The following SCAP variants were observed in gnomAD, a reference collection of about 807,000 sequenced individuals.
SCAP encodes sterol regulatory element-binding protein cleavage-activating protein.
A neutral mutation model predicts 123.6 loss-of-function variants in SCAP; 65 were observed. The observed-to-expected ratio is 0.53, with a 90% CI of 0.43 to 0.65. SCAP has a LOEUF of 0.65. SCAP is among the 30% of genes least tolerant of loss of function. The pLI is 0.00. For missense variants in SCAP, 1,398 were observed against 1,712.5 expected (o/e 0.82, Z 3.24); for synonymous variants, 740 against 726.3 (o/e 1.02, Z -0.30).
chr3:47,427,396 G>GTGACC, intron 5 of SCAP, 51 bp downstream of exon 5: 1 of 1,589,282 alleles, frequency 6.3e-7, no homozygotes, highest in Non-Finnish European at 8.6e-7. Flanking sequence ...CAAAAAGACG[G>GTGACC]TGACCAATGG....
chr3:47,448,397 C>CGA (rs1707133199), intron 1 of SCAP, among the ~76,000 whole-genome samples: 1 of 152,030 alleles, frequency 6.6e-6, no homozygotes, highest in Non-Finnish European at 1.5e-5. Flanking sequence ...TCTACGTAGA[C>CGA]TTATCATGTT....
chr3:47,414,472 CCT>C lies in SCAP; in HGVS notation c.3388-88_3388-87del, dbSNP rs1433390017. On this transcript the variant is annotated intron_variant, in intron 21 of 22. Transcript: ENST00000265565. The stretch of plus-strand genomic sequence containing the variant: ...GTCCCTGTGCCCCAGTGGGTGGGGC[CCT>C]GACTGCTTCCTGGAAGGCCCCTGGG... 6 of 1,592,246 alleles carry C rather than the reference CCT, an allele frequency of 3.8e-6. No homozygotes were observed. The African/African-American group carries it at 8.1e-5, about 21-fold the overall frequency.
intron 1 of SCAP, among the ~76,000 whole-genome samples, chr3:47,445,798 C>T (rs953884771): frequency 6.7e-6 from 1 of 149,608 alleles, no homozygotes; most frequent in South Asian, 2.1e-4. Context: ...TCTAGAACTC[C>T]TGACCTTAGA....
chr3:47,417,536 C>T lies in SCAP; in HGVS notation c.2738G>A (p.Ser913Asn). ...CTGGTACACCCGCTGCACCAGGCAG[C>T]TGAAGTCATAGCCTGGGGAGTCCCG... ...RSRDSPGYDF[S>N]CLVQRVYQEE... Residue 913 changes from serine to asparagine, a missense_variant, in exon 17 of 23, where the codon AGC (serine) becomes AAC (asparagine). Coordinates refer to ENST00000265565, the MANE Select transcript of SCAP (RefSeq NM_012235.4). The T allele has an allele frequency of 1.3e-6, 2 of 1,568,604 alleles. No homozygotes were observed. Among genetic ancestry groups the T allele is most frequent in the Non-Finnish European group, 8.6e-7 (1 of 1,157,366 alleles).
intron 1 of SCAP, among the ~76,000 whole-genome samples, chr3:47,447,640 G>C (rs1707093631): frequency 6.6e-6 from 1 of 151,190 alleles, no homozygotes; most frequent in Non-Finnish European, 1.5e-5. Context: ...GTGAGCCAAA[G>C]ACTGTGCCAT....
At position 47,420,655 on chromosome 3, in the gene SCAP, T is replaced by C; in HGVS notation, c.1462A>G (p.Ile488Val). 1.2e-6 allele frequency: 2 copies of C among 1,612,026 alleles called. No individual in the cohort carries two copies. Among genetic ancestry groups the C allele is most frequent in the South Asian group, 2.2e-5 (2 of 91,002 alleles). The change falls in exon 12 of 23, where the codon ATC (isoleucine) becomes GTC (valine). Residue 488 changes from isoleucine to valine, a missense_variant. Ile to Val is a conservative substitution (Grantham distance 29, BLOSUM62 3). Transcript: ENST00000265565. The surrounding 1 kb of genome is among the most constrained non-coding windows in gnomAD (Gnocchi z 5.0). ...LAVRPSTPHT[I>V]TLQPSSFRNL... ...CGGAAGGAAGACGGCTGCAACGTGATGGTGTGGGGTGTGGACGGCCTCACA... is the reference window on the plus strand; with the variant it reads ...CGGAAGGAAGACGGCTGCAACGTGACGGTGTGGGGTGTGGACGGCCTCACA...
rs748835570 is a variant in SCAP, at chr3:47,425,604, G to A, written c.918C>T (p.Ile306=). Residue 306 remains isoleucine, a synonymous_variant, in exon 8 of 23, where the codon ATC becomes ATT. Coordinates refer to ENST00000265565, the MANE Select transcript of SCAP (RefSeq NM_012235.4). The part of the protein sequence containing the change: ...FAYIYFSTRK[I]DMVKSKWGLA... The stretch of plus-strand genomic sequence containing the variant: ...GCCCCCACTTGGACTTGACCATGTC[G>A]ATCTTCCCTGGAGGGCAGAGAGGGC... 5.0e-6 allele frequency: 8 copies of A among 1,613,870 alleles called. No homozygotes were observed. Among genetic ancestry groups the A allele is most frequent in the Middle Eastern group, 1.6e-4 (1 of 6,084 alleles).
intron 1 of SCAP, among the ~76,000 whole-genome samples, chr3:47,466,136 C>G (rs78968869): frequency 3.1e-5 from 3 of 96,158 alleles, no homozygotes; most frequent in Non-Finnish European, 6.6e-5. Context: ...TCTTAAAAAC[C>G]AAAAAAAAAA....
chr3:47,444,900 T>C (rs907164688), intron 1 of SCAP, among the ~76,000 whole-genome samples: 5 of 151,910 alleles, frequency 3.3e-5, no homozygotes, highest in South Asian at 2.1e-4. Context: ...GCCTCCCAAG[T>C]AGCTGGGATT....
chr3:47,413,778 T>TC lies in SCAP; in HGVS notation c.*75dup. 1.3e-6 allele frequency: 2 copies of TC among 1,536,098 alleles called. No individual in the cohort carries two copies. Among genetic ancestry groups the TC allele is most frequent in the Non-Finnish European group, 1.8e-6 (2 of 1,139,098 alleles). On this transcript the variant is annotated 3_prime_UTR_variant, in exon 23 of 23. Coordinates refer to ENST00000265565, the MANE Select transcript of SCAP (RefSeq NM_012235.4). The stretch of plus-strand genomic sequence containing the variant: ...AGCGGCTGGAAGATACTCGGCTCTT[T>TC]CCCCCAAGTCCAGGTTCAGTGCATT...
At chr3:47,426,414 ACT>A (rs1365362591) in intron 6 of SCAP, among the ~76,000 whole-genome samples, 1 of 150,238 alleles carries the variant, frequency 6.7e-6, no homozygotes, top group African/African-American at 2.5e-5. Flanking sequence ...CTACTCCAAC[ACT>A]CTCTTTTTTA....
chr3:47,429,747 T>C (rs1192530533), intron 3 of SCAP, among the ~76,000 whole-genome samples: 2 of 152,242 alleles, frequency 1.3e-5, no homozygotes, highest in African/African-American at 4.8e-5. Flanking sequence ...CTATTGTCTA[T>C]GGCTGCTTTC....
intron 2 of SCAP, among the ~76,000 whole-genome samples, chr3:47,442,390 C>G (rs1706842228): frequency 6.6e-6 from 1 of 152,150 alleles, no homozygotes; most frequent in African/African-American, 2.4e-5. Context: ...AACAAGAAGT[C>G]TGAAGCAAGC....
In SCAP at chr3:47,414,565, C is replaced by G. The variant is rs369499149; in HGVS notation, c.3387+7G>C. On this transcript the variant is annotated splice_region_variant and intron_variant, in intron 21 of 22. Transcript: ENST00000265565. ...TGTACCCCCTACCCCACCTGCAGGCCGCTTACCTGGTCAATGTACACGGTC... is the reference window on the plus strand; with the variant it reads ...TGTACCCCCTACCCCACCTGCAGGCGGCTTACCTGGTCAATGTACACGGTC... 5.6e-6 allele frequency: 9 copies of G among 1,613,292 alleles called. No individual in the cohort carries two copies. Among genetic ancestry groups the G allele is most frequent in the Non-Finnish European group, 7.6e-6 (9 of 1,179,994 alleles).
intron 1 of SCAP, among the ~76,000 whole-genome samples, chr3:47,455,594 C>CAAAAAAAAA (rs544006040): frequency 4.7e-5 from 2 of 42,420 alleles, no homozygotes; most frequent in Non-Finnish European, 5.0e-5. Context: ...GACTCCACCT[C>CAAAAAAAAA]AAAAAAAAAA....
At chr3:47,475,284 A>G (rs1708223664) in intron 1 of SCAP, 1 of 152,230 alleles carries the variant, frequency 6.6e-6, no homozygotes, top group Non-Finnish European at 1.5e-5. Flanking sequence ...TCATAAACCC[A>G]CTCAGAAGTA....
chr3:47,476,302 G>C (rs1284792552), upstream of SCAP, among the ~76,000 whole-genome samples: 1 of 152,168 alleles, frequency 6.6e-6, no homozygotes, highest in African/African-American at 2.4e-5. Flanking sequence ...GTCTCCACAA[G>C]TAAAATTAAT....
rs762107973 is a variant in SCAP at position 47,418,173 on chromosome 3, G to A, written c.2408C>T (p.Ala803Val). The A allele has an allele frequency of 1.1e-5, 17 of 1,573,188 alleles. No homozygotes were observed. In the South Asian group the frequency reaches 1.7e-4, roughly 16 times the overall value. ...CLAGHVCVWD[A>V]QTGDCLTRIP... ...GCGCGTTAGGCAATCCCCGGTCTGC[G>A]CGTCCCACACGCAGACGTGGCCTGC... Residue 803 changes from alanine to valine, a missense_variant, in exon 16 of 23, where the codon GCG (alanine) becomes GTG (valine). Around this residue, in one of 7 missense-constraint regions of SCAP, gnomAD observed 828 missense variants for 882.5 expected, o/e 0.94. Transcript: ENST00000265565.
Position 47,461,912 on chromosome 3 carries a change from T to C in SCAP, c.-99+13887A>G, listed in dbSNP as rs188372392. Among the ~76,000 whole-genome samples the C allele has an allele frequency of 1.7e-4, 26 of 152,228 alleles. No homozygotes were observed. In the East Asian group the frequency reaches 4.1e-3, roughly 24 times the overall value. ...AGCCGAGCATGGTGACAGGCACCTA[T>C]AATCCCAGCTACTTGGGAGGCTGAG... On this transcript the variant is annotated intron_variant, in intron 1 of 22. Transcript: ENST00000265565.
Sources: allele counts gnomAD v4.1 joint callset (sites outside exome capture counted in the v4.1 genomes callset), GRCh38; gene constraint gnomAD v4.1.1; regional missense constraint gnomAD v4.1.1; non-coding constraint Gnocchi (gnomAD v3.1); transcripts MANE v1.5; gene names NCBI Gene and HGNC (gene_info 2026-07-23, HGNC 2026-07-21).